The following CDH24 variants were observed in gnomAD, a reference collection of about 807,000 sequenced individuals.
The protein encoded by CDH24 is cadherin-24.
A neutral mutation model predicts 71.2 loss-of-function variants in CDH24; 61 were observed. That is an observed-to-expected ratio of 0.86 (90% CI 0.70 to 1.06). CDH24 has a LOEUF of 1.06. Among genes scored for constraint, CDH24 ranks in the 50% least tolerant of loss-of-function variants. The probability of loss-of-function intolerance (pLI) is 0.00; values close to 1 mark genes in which losing one functional copy is unlikely to be tolerated. For missense variants in CDH24, 961 were observed against 1,083.7 expected, an observed-to-expected ratio of 0.89 and a Z score of 1.59; for synonymous variants, 440 against 470.2, an observed-to-expected ratio of 0.94 and a Z score of 0.83.
Position 23,054,576 on chromosome 14 carries a change from C to T in CDH24, c.714G>A (p.Gly238=). The change falls in exon 5 of 13, where the codon GGG becomes GGA. Residue 238 remains glycine, a synonymous_variant. Coordinates refer to ENST00000487137, the MANE Select transcript of CDH24 (RefSeq NM_144985.4). The surrounding 1 kb of genome is among the most constrained non-coding windows in gnomAD (Gnocchi z 5.2). ...CAGTCACCGTAGTGCTGCCTGACAG[C>T]CCCCCCATGTGGCCGCCCATGTCCT... ...QAKDMGGHMG[G]LSGSTTVTVT... is the part of the protein sequence containing the mutation. 1.2e-6 allele frequency: 2 copies of T among 1,614,010 alleles called. No homozygotes were observed. The highest frequency in any genetic ancestry group is 8.5e-7 in the Non-Finnish European group (1 of 1,179,960).
chr14:23,050,628 G>T (rs1213388700), intron 8 of CDH24, among the ~76,000 whole-genome samples: 1 of 152,138 alleles, frequency 6.6e-6, no homozygotes, highest in African/African-American at 2.4e-5. Flanking sequence ...CAGAGCCCAG[G>T]CCAGCCTGGG....
chr14:23,055,995 G>A lies in CDH24; in HGVS notation c.-124-138C>T. 2.2e-6 allele frequency: 1 copy of A among 451,212 alleles called. No individual in the cohort carries two copies. The highest frequency in any genetic ancestry group is 4.0e-6 in the Non-Finnish European group (1 of 252,468). 28.0% of individuals were successfully genotyped at this position (451,212 alleles called of 1,614,324 possible). A position where few individuals can be genotyped will look rare whatever the true frequency, so the allele number is the denominator to read the frequency against. On this transcript the variant is annotated intron_variant, in intron 1 of 12. Coordinates refer to ENST00000487137, the MANE Select transcript of CDH24 (RefSeq NM_144985.4). This position sits in a 1 kb window ranked among gnomAD's most constrained non-coding sequence, Gnocchi z 4.1. ...TCAGACTAAGACAGAGAGCAGAGAG[G>A]CTGATCCTTCCTCCACCCAGGCTCT... is the stretch of plus-strand genomic sequence containing the variant.
At chr14:23,053,884 G>A (rs1197596032) in intron 6 of CDH24, 135 bp from the exon 7 acceptor site, 2 of 967,698 alleles carry the variant, frequency 2.1e-6, no homozygotes, top group Non-Finnish European at 1.5e-6. Context: ...TGGCACTGGA[G>A]GGACAGTGGC....
Position 23,051,981 on chromosome 14 carries a change from C to A in CDH24, c.1363+492G>T. Reference sequence around the variant, plus strand: ...GTCCACTCCCCTACCTTGGGGGATTCCCACAGCGCTTCCAACAGGGCTTCT... The same window carrying A: ...GTCCACTCCCCTACCTTGGGGGATTACCACAGCGCTTCCAACAGGGCTTCT... On this transcript the variant is annotated intron_variant, in intron 8 of 12. Transcript: ENST00000487137. This position sits in a 1 kb window ranked among gnomAD's most constrained non-coding sequence, Gnocchi z 4.4. 6.4e-7 allele frequency: 1 copy of A among 1,573,182 alleles called. No individual in the cohort carries two copies. The highest frequency in any genetic ancestry group is 8.6e-7 in the Non-Finnish European group (1 of 1,156,800).
Position 23,053,410 on chromosome 14 carries a change from C to T in CDH24, c.1226+86G>A. 9.4e-6 allele frequency: 13 copies of T among 1,387,696 alleles called. No homozygotes were observed. The South Asian group carries it at 1.9e-4, about 21-fold the overall frequency. 86.0% of individuals were successfully genotyped at this position (1,387,696 alleles called of 1,614,324 possible). On this transcript the variant is annotated intron_variant, in intron 7 of 12. Coordinates refer to ENST00000487137, the MANE Select transcript of CDH24 (RefSeq NM_144985.4). ...CTTTTGCTGGGATATGAGTGATTTG[C>T]TATAAGGTAGGGGGCACATTTACTC...
At position 23,055,128 on chromosome 14, in the gene CDH24, T is replaced by G; in HGVS notation, c.427A>C (p.Ile143Leu). ...PSEFIIKVQD[I>L]NDNPPIFPLG... is the part of the protein sequence containing the mutation. ...GGAAAAATGGGTGGATTGTCGTTGA[T>G]GTCTTGCACTTTGATGATGAACTCT... The change falls in exon 3 of 13, where the codon ATC becomes CTC. Residue 143 changes from isoleucine to leucine, a missense_variant. By Grantham distance (5) the Ile-to-Leu change is conservative. Coordinates refer to ENST00000487137, the MANE Select transcript of CDH24 (RefSeq NM_144985.4). This position sits in a 1 kb window ranked among gnomAD's most constrained non-coding sequence, Gnocchi z 4.1. The G allele has an allele frequency of 6.2e-7, 1 of 1,614,134 alleles. No individual in the cohort carries two copies. The highest frequency in any genetic ancestry group is 2.2e-5 in the East Asian group (1 of 44,882).
rs940624099 is a variant in CDH24, at chr14:23,049,395, GCCCATAGAGCCAGCTT to G, written c.1598-136_1598-121del. On this transcript the variant is annotated intron_variant, in intron 10 of 12. Transcript: ENST00000487137. Reference sequence around the variant, plus strand: ...CCCATAGAGCCAGCCCATAGGTCCAGCCCATAGAGCCAGCTTCCCATAGAGCCAGCCCATAGGTCCA... The same window carrying G: ...CCCATAGAGCCAGCCCATAGGTCCAGCCCATAGAGCCAGCCCATAGGTCCA... 8 of 950,112 alleles carry G rather than the reference GCCCATAGAGCCAGCTT, an allele frequency of 8.4e-6. No homozygotes were observed. The East Asian group carries it at 1.0e-4, about 12-fold the overall frequency. The allele number at this position is 950,112 out of a possible 1,614,324, so 58.9% of individuals were successfully genotyped here. A position where few individuals can be genotyped will look rare whatever the true frequency, so the allele number is the denominator to read the frequency against.
chr14:23,048,287 G>C lies in CDH24; in HGVS notation c.2039C>G (p.Ala680Gly). ...GAAPPAPGPP[A>G]RRDVLPRARV... Reference sequence around the variant, plus strand: ...GGCCCGGGGCAACACGTCTCGGCGCGCGGGAGGGCCGGGCGCCGGGGGGGC... The same window carrying C: ...GGCCCGGGGCAACACGTCTCGGCGCCCGGGAGGGCCGGGCGCCGGGGGGGC... Residue 680 changes from alanine to glycine, a missense_variant, in exon 12 of 13, where the codon GCG becomes GGG. By Grantham distance (60) the Ala-to-Gly change is moderately conservative. Coordinates refer to ENST00000487137, the MANE Select transcript of CDH24 (RefSeq NM_144985.4). 1 of 1,585,238 alleles carries C rather than the reference G, an allele frequency of 6.3e-7. No homozygotes were observed. Among genetic ancestry groups the C allele is most frequent in the Non-Finnish European group, 8.6e-7 (1 of 1,169,154 alleles).
chr14:23,051,936 C>T lies in CDH24; in HGVS notation c.1363+537G>A, dbSNP rs754339775. The T allele has an allele frequency of 2.1e-5, 26 of 1,255,450 alleles. 1 individual carries two copies. The Admixed American group carries it at 6.1e-4, about 30-fold the overall frequency. 77.8% of individuals were successfully genotyped at this position (1,255,450 alleles called of 1,614,324 possible). The stretch of plus-strand genomic sequence containing the variant: ...GGGGAGACCGCATATGGAGCTGGCA[C>T]TCCTCCCCTTCCTTATGGTGTCCAC... On this transcript the variant is annotated intron_variant, in intron 8 of 12. Coordinates refer to ENST00000487137, the MANE Select transcript of CDH24 (RefSeq NM_144985.4). The surrounding 1 kb of genome is among the most constrained non-coding windows in gnomAD (Gnocchi z 4.4).
rs1397069624 is a variant in CDH24 at position 23,047,929 on chromosome 14, G to C, written c.*51C>G. Reference sequence around the variant, plus strand: ...TGGACCCCGTGGGGCTCACTCAGAGGGCCTGTGCCCGCTGCCCCCCCCCCG... The same window carrying C: ...TGGACCCCGTGGGGCTCACTCAGAGCGCCTGTGCCCGCTGCCCCCCCCCCG... On this transcript the variant is annotated 3_prime_UTR_variant, in exon 12 of 13. Coordinates refer to ENST00000487137, the MANE Select transcript of CDH24 (RefSeq NM_144985.4). 7.9e-7 allele frequency: 1 copy of C among 1,268,094 alleles called. No individual in the cohort carries two copies. Among genetic ancestry groups the C allele is most frequent in the African/African-American group, 1.6e-5 (1 of 63,340 alleles). 78.6% of individuals were successfully genotyped at this position (1,268,094 alleles called of 1,614,324 possible).
chr14:23,056,840 C>CG (rs902047593), intron 1 of CDH24, among the ~76,000 whole-genome samples: 21 of 142,858 alleles, frequency 1.5e-4, no homozygotes, highest in Non-Finnish European at 2.8e-4. Context: ...CTCCTAGGGG[C>CG]GGGGGGGAGG....
rs987977212 is a variant in CDH24, at chr14:23,053,550, G to C, written c.1172C>G (p.Thr391Ser). Residue 391 changes from threonine (T) to serine (S), a missense_variant, in exon 7 of 13, where the codon ACC becomes AGC. This residue lies in a region of CDH24 where 671 missense variants were observed against 810.9 expected (regional missense o/e 0.83). Transcript: ENST00000487137. ...LTVPENKAPG[T>S]LVGQISAADL... ...AGCCGCGGAGATCTGGCCTACCAGGGTCCCCGGGGCCTTGTTCTCAGGCAC... is the reference window on the plus strand; with the variant it reads ...AGCCGCGGAGATCTGGCCTACCAGGCTCCCCGGGGCCTTGTTCTCAGGCAC... The C allele has an allele frequency of 6.2e-7, 1 of 1,607,278 alleles. No homozygotes were observed. Among genetic ancestry groups the C allele is most frequent in the African/African-American group, 1.3e-5 (1 of 74,798 alleles).
Position 23,053,677 on chromosome 14 carries a change from A to G in CDH24, c.1045T>C (p.Tyr349His), listed in dbSNP as rs2047101878. 1 of 1,613,944 alleles carries G rather than the reference A, an allele frequency of 6.2e-7. No individual in the cohort carries two copies. Among genetic ancestry groups the G allele is most frequent in the Non-Finnish European group, 8.5e-7 (1 of 1,179,944 alleles). Residue 349 changes from tyrosine (Y) to histidine (H), a missense_variant, in exon 7 of 13, where the codon TAT becomes CAT. Transcript: ENST00000487137. The stretch of plus-strand genomic sequence containing the variant: ...TCCTTGAAGGGCCCTCGCCGCAGAT[A>G]GGCTGGGTCAATGAGCGTGTTGGTG... ...EATNTLIDPAYLRRGPFKDVA... is the reference protein window; with the variant it reads ...EATNTLIDPAHLRRGPFKDVA...
In CDH24 at chr14:23,048,337, C is replaced by T. The variant is rs759004013; in HGVS notation, c.1989G>A (p.Thr663=). ...GEEDTEAFDI[T]ALQNPDGAAP... ...CCGCCCCGTCCGGGTTCTGCAAGGCCGTGATGTCGAAGGCCTCGGTGTCCT... is the reference window on the plus strand; with the variant it reads ...CCGCCCCGTCCGGGTTCTGCAAGGCTGTGATGTCGAAGGCCTCGGTGTCCT... Residue 663 remains threonine (T), a synonymous_variant, in exon 12 of 13, where the codon ACG becomes ACA. Transcript: ENST00000487137. The T allele has an allele frequency of 3.7e-5, 60 of 1,611,184 alleles. No homozygotes were observed. The highest frequency in any genetic ancestry group is 1.7e-6 in the Non-Finnish European group (2 of 1,179,288).
At position 23,054,676 on chromosome 14, in the gene CDH24, A is replaced by T; in HGVS notation, c.617-3T>A. On this transcript the variant is annotated splice_region_variant and splice_polypyrimidine_tract_variant and intron_variant, in intron 4 of 12. Transcript: ENST00000487137. The surrounding 1 kb of genome is among the most constrained non-coding windows in gnomAD (Gnocchi z 5.2). Reference sequence around the variant, plus strand: ...GGGGATGGCTGTACGCACCACTCCTAGGGAGAGATGCTGGTCAGAGGGTGT... The same window carrying T: ...GGGGATGGCTGTACGCACCACTCCTTGGGAGAGATGCTGGTCAGAGGGTGT... 1 of 1,613,796 alleles carries T rather than the reference A, an allele frequency of 6.2e-7. No individual in the cohort carries two copies. The highest frequency in any genetic ancestry group is 8.5e-7 in the Non-Finnish European group (1 of 1,179,898).
rs1271019806 is a variant in CDH24 at position 23,048,308 on chromosome 14, G to A, written c.2018C>T (p.Pro673Leu). 6.2e-7 allele frequency: 1 copy of A among 1,601,740 alleles called. No individual in the cohort carries two copies. Among genetic ancestry groups the A allele is most frequent in the Non-Finnish European group, 8.5e-7 (1 of 1,175,866 alleles). Residue 673 changes from proline (P) to leucine (L), a missense_variant, in exon 12 of 13, where the codon CCC (proline) becomes CTC (leucine). Physicochemically the swap from Pro to Leu is moderately conservative, Grantham distance 98 (BLOSUM62 -3). This residue lies in a region of CDH24 where 290 missense variants were observed against 272.8 expected (regional missense o/e 1.06). Coordinates refer to ENST00000487137, the MANE Select transcript of CDH24 (RefSeq NM_144985.4). ...GCGCGCGGGAGGGCCGGGCGCCGGG[G>A]GGGCCGCCCCGTCCGGGTTCTGCAA... is the stretch of plus-strand genomic sequence containing the variant. ...TALQNPDGAA[P>L]PAPGPPARRD...
Position 23,055,702 on chromosome 14 carries a change from C to T in CDH24, c.32G>A (p.Trp11Ter). 6.3e-7 allele frequency: 1 copy of T among 1,596,146 alleles called. No homozygotes were observed. The change falls in exon 2 of 13, where the codon TGG becomes TAG. Residue 11 changes from tryptophan to a stop codon, truncating the protein, a stop_gained. Coordinates refer to ENST00000487137, the MANE Select transcript of CDH24 (RefSeq NM_144985.4). LOFTEE classifies it high-confidence loss of function. The surrounding 1 kb of genome is among the most constrained non-coding windows in gnomAD (Gnocchi z 4.1). ...CCCCATGCAGCCCCAGCCACCCAGC[C>T]AGGCCAGCAGGAGCCTCACCAGGCC... MWGLVRLLLA[W>*]LGGWGCMGRL...
rs2047148101 is a variant in CDH24, at chr14:23,057,481, G to A, written c.-203C>T. ...CGCCGGGTCCCGGGGGCACAGCCCC[G>A]AGCCGATTGGAGCGGGCGCCGCGGC... is the stretch of plus-strand genomic sequence containing the variant. On this transcript the variant is annotated 5_prime_UTR_variant, in exon 1 of 13. Coordinates refer to ENST00000487137, the MANE Select transcript of CDH24 (RefSeq NM_144985.4). This position sits in a 1 kb window ranked among gnomAD's most constrained non-coding sequence, Gnocchi z 5.4. The A allele has an allele frequency of 1.3e-5, 2 of 152,038 alleles. No homozygotes were observed. Among genetic ancestry groups the A allele is most frequent in the Admixed American group, 1.3e-4 (2 of 15,270 alleles). The allele number at this position is 152,038 out of a possible 1,614,324, so 9.4% of individuals were successfully genotyped here.
Position 23,055,190 on chromosome 14 carries a change from A to C in CDH24, c.365T>G (p.Val122Gly). The C allele has an allele frequency of 6.2e-7, 1 of 1,614,190 alleles. No individual in the cohort carries two copies. Among genetic ancestry groups the C allele is most frequent in the Non-Finnish European group, 8.5e-7 (1 of 1,180,024 alleles). ...KAQYVLLAQAVDRASNRPLEP... is the reference protein window; with the variant it reads ...KAQYVLLAQAGDRASNRPLEP... ...CAGGGGCCGGTTGGAGGCTCGGTCC[A>C]CGGCTTGGGCCAGTAGCACATATTG... Residue 122 changes from valine (V) to glycine (G), a missense_variant, in exon 3 of 13, where the codon GTG (valine) becomes GGG (glycine). Coordinates refer to ENST00000487137, the MANE Select transcript of CDH24 (RefSeq NM_144985.4). The surrounding 1 kb of genome is among the most constrained non-coding windows in gnomAD (Gnocchi z 4.1).
Sources: gnomAD v4.1 joint callset for allele counts (sites outside exome capture counted in the v4.1 genomes callset) on GRCh38, gnomAD v4.1.1 for gene constraint, gnomAD v4.1.1 regional missense constraint, Gnocchi (gnomAD v3.1) non-coding constraint, MANE v1.5 for transcripts, NCBI Gene and HGNC (gene_info 2026-07-23, HGNC 2026-07-21) for gene names.